SLC16A1: variants seen among roughly 807,000 people sequenced by gnomAD.
SLC16A1 encodes the protein solute carrier family 16 member 1, also known as monocarboxylate transporter 1.
A neutral mutation model predicts 32.2 loss-of-function variants in SLC16A1; 11 were observed. The observed-to-expected ratio is 0.34, with a 90% CI of 0.21 to 0.56. The LOEUF (loss-of-function observed/expected upper bound fraction) is 0.56. Among genes scored for constraint, SLC16A1 ranks in the 20% least tolerant of loss-of-function variants. The pLI is 0.87. For synonymous variants in SLC16A1, 231 were observed against 226.8 expected (o/e 1.02, Z -0.17); for missense variants, 435 against 615.0 (o/e 0.71, Z 3.10).
intron 1 of SLC16A1, among the ~76,000 whole-genome samples, chr1:112,933,455 C>CA (rs55668332): frequency 0.39 from 32,507 of 83,400 alleles, 5,401 homozygotes; most frequent in East Asian, 0.64. Context: ...GACTGCGTCT[C>CA]AAAAAAAAAA....
At chr1:112,943,514 G>A (rs201964071) in intron 1 of SLC16A1, among the ~76,000 whole-genome samples, 2 of 152,092 alleles carry the variant, frequency 1.3e-5, no homozygotes, top group Non-Finnish European at 2.9e-5. Context: ...CCGGCTGGGC[G>A]CAGTGGCTCA....
At chr1:112,953,499 C>A (rs1329658680) in intron 1 of SLC16A1, among the ~76,000 whole-genome samples, 1 of 152,120 alleles carries the variant, frequency 6.6e-6, no homozygotes. Flanking sequence ...AAGACAAGAG[C>A]GCTCCTTTAA....
At chr1:112,928,778 A>G (rs3789592) in intron 2 of SLC16A1, among the ~76,000 whole-genome samples, 99,436 of 151,928 alleles carry the variant, frequency 0.65, 33,882 homozygotes, top group African/African-American at 0.86. Flanking sequence ...AGTCCAGCAG[A>G]GATCAACAAA....
intron 3 of SLC16A1, among the ~76,000 whole-genome samples, chr1:112,921,392 C>T (rs575429436): frequency 1.3e-5 from 2 of 152,206 alleles, no homozygotes; most frequent in South Asian, 2.1e-4. Context: ...AGAATATATT[C>T]ATGTTCACAA....
At chr1:112,916,162 T>C (rs1040591549) in intron 4 of SLC16A1, among the ~76,000 whole-genome samples, 9 of 122,822 alleles carry the variant, frequency 7.3e-5, no homozygotes, top group Non-Finnish European at 1.1e-4. Flanking sequence ...CTACTGCTAC[T>C]GAAATAAACT....
intron 2 of SLC16A1, among the ~76,000 whole-genome samples, chr1:112,925,791 C>G (rs1362741339): frequency 1.3e-5 from 2 of 152,184 alleles, no homozygotes; most frequent in Non-Finnish European, 2.9e-5. Context: ...TCTAAAAACA[C>G]ATATTGAATG....
chr1:112,933,959 A>C (rs1649220387), intron 1 of SLC16A1, among the ~76,000 whole-genome samples: 1 of 152,244 alleles, frequency 6.6e-6, no homozygotes, highest in Non-Finnish European at 1.5e-5. Context: ...TCCATCAACA[A>C]ATGAATGGAT....
intron 2 of SLC16A1, among the ~76,000 whole-genome samples, chr1:112,922,738 G>A (rs1224642429): frequency 6.6e-6 from 1 of 152,046 alleles, no homozygotes; most frequent in Admixed American, 6.5e-5. Flanking sequence ...TTGCGCCACT[G>A]CACTCCAGCC....
chr1:112,935,245 T>C lies in SLC16A1; in HGVS notation c.-44-5893A>G, dbSNP rs1466579897. 4.0e-5 allele frequency among the ~76,000 whole-genome samples: 6 copies of C among 151,480 alleles called. 1 individual carries two copies. The highest frequency in any genetic ancestry group is 2.9e-5 in the Non-Finnish European group (2 of 67,854). The stretch of plus-strand genomic sequence containing the variant: ...GCCTGGCCAACATGGTGAAACCCCA[T>C]CTCTACTAAAAATACAAAAATTAGC... On this transcript the variant is annotated intron_variant, in intron 1 of 4. Coordinates refer to ENST00000369626, the MANE Select transcript of SLC16A1 (RefSeq NM_003051.4).
rs1648859581 is a variant in SLC16A1, at chr1:112,924,375, T to G, written c.218-2242A>C. 1.1e-5 allele frequency: 13 copies of G among 1,198,412 alleles called. 1 individual carries two copies. In the Admixed American group the frequency reaches 2.0e-4, roughly 19 times the overall value. The allele number at this position is 1,198,412 out of a possible 1,614,324, so 74.2% of individuals were successfully genotyped here. ...TCGTTTCTCAGGTTGCCCAAGGCTC[T>G]TCTGTAACCTCTTTTGTTTCTCACA... On this transcript the variant is annotated intron_variant, in intron 2 of 4. Coordinates refer to ENST00000369626, the MANE Select transcript of SLC16A1 (RefSeq NM_003051.4).
At chr1:112,919,100 G>C (rs943336637) in intron 3 of SLC16A1, among the ~76,000 whole-genome samples, 1 of 151,460 alleles carries the variant, frequency 6.6e-6, no homozygotes, top group East Asian at 1.9e-4. Context: ...GCGCGATCTC[G>C]GCTCACTGCA....
intron 4 of SLC16A1, 47 bp from the exon 5 acceptor site, chr1:112,914,212 T>C: frequency 6.3e-7 from 1 of 1,593,846 alleles, no homozygotes; most frequent in South Asian, 1.1e-5. Flanking sequence ...GAGTAAACAG[T>C]TTTTTTTTCC....
chr1:112,917,450 A>G lies in SLC16A1; in HGVS notation c.956T>C (p.Val319Ala), dbSNP rs1436518670. The G allele has an allele frequency of 6.2e-7, 1 of 1,614,224 alleles. No individual in the cohort carries two copies. Residue 319 changes from valine (V) to alanine (A), a missense_variant, in exon 4 of 5, where the codon GTA becomes GCA. This residue lies in a region of SLC16A1 where 324 missense variants were observed against 500.3 expected (regional missense o/e 0.65). Coordinates refer to ENST00000369626, the MANE Select transcript of SLC16A1 (RefSeq NM_003051.4). The surrounding 1 kb of genome is among the most constrained non-coding windows in gnomAD (Gnocchi z 4.1). ...AGGTCTTATTGGCTTTGTGTTGGCT[A>G]CAAGTCCCATAGATGGTCGGGCTAC... Reference protein sequence around the residue: ...DMVARPSMGLVANTKPIRPRI... With the variant: ...DMVARPSMGLAANTKPIRPRI...
At chr1:112,931,810 G>A (rs1358870499) in intron 1 of SLC16A1, among the ~76,000 whole-genome samples, 1 of 151,932 alleles carries the variant, frequency 6.6e-6, no homozygotes, top group Non-Finnish European at 1.5e-5. Context: ...TGAGCGTTTG[G>A]TGGTAGGTTA....
At chr1:112,923,639 G>A (rs904320343) in intron 2 of SLC16A1, 89 of 1,448,214 alleles carry the variant, frequency 6.1e-5, no homozygotes, top group East Asian at 1.6e-4. Context: ...AGCTGGAGAC[G>A]TCACTGAAGT....
rs752472653 is a variant in SLC16A1 at position 112,917,668 on chromosome 1, G to A, written c.738C>T (p.Phe246=). The change falls in exon 4 of 5, where the codon TTC becomes TTT. Residue 246 remains phenylalanine, a synonymous_variant. Transcript: ENST00000369626. This position sits in a 1 kb window ranked among gnomAD's most constrained non-coding sequence, Gnocchi z 4.1. ...RHPKQEKRSV[F]QTINQFLDLT... is the part of the protein sequence containing the mutation. The stretch of plus-strand genomic sequence containing the variant: ...AGTCCAGGAACTGATTAATTGTTTG[G>A]AAGACTGATCGTTTCTCTTGTTTAG... The A allele has an allele frequency of 1.3e-5, 21 of 1,614,232 alleles. No homozygotes were observed. Among genetic ancestry groups the A allele is most frequent in the Non-Finnish European group, 1.6e-5 (19 of 1,180,046 alleles).
chr1:112,924,870 T>A (rs1381433527), intron 2 of SLC16A1, among the ~76,000 whole-genome samples: 1 of 151,868 alleles, frequency 6.6e-6, no homozygotes, highest in Non-Finnish European at 1.5e-5. Context: ...AGGTTCTGTC[T>A]CAAAAAACAA....
chr1:112,942,614 C>T lies in SLC16A1; in HGVS notation c.-44-13262G>A, dbSNP rs75879231. Among the ~76,000 whole-genome samples, 365 of 152,282 alleles carry T rather than the reference C, an allele frequency of 2.4e-3. 1 individual carries two copies. Among genetic ancestry groups the T allele is most frequent in the African/African-American group, 8.5e-3 (353 of 41,576 alleles). On this transcript the variant is annotated intron_variant, in intron 1 of 4. Coordinates refer to ENST00000369626, the MANE Select transcript of SLC16A1 (RefSeq NM_003051.4). ...ATGAACAAAGCCAGTCAAGCTGTTT[C>T]AATGAAAAATAAACAAATGGAAAAT...
At chr1:112,928,153 T>C (rs1390131487) in intron 2 of SLC16A1, among the ~76,000 whole-genome samples, 1 of 152,190 alleles carries the variant, frequency 6.6e-6, no homozygotes, top group Admixed American at 6.5e-5. Context: ...GAAACATAAG[T>C]CTTCCTAATC....
Sources: allele counts gnomAD v4.1 joint callset (sites outside exome capture counted in the v4.1 genomes callset), GRCh38; gene constraint gnomAD v4.1.1; regional missense constraint gnomAD v4.1.1; non-coding constraint Gnocchi (gnomAD v3.1); transcripts MANE v1.5; gene names NCBI Gene and HGNC (gene_info 2026-07-23, HGNC 2026-07-21).